LAMA4: variants seen among roughly 807,000 people sequenced by gnomAD.
The protein encoded by LAMA4 is laminin subunit alpha-4.
LAMA4 carries 127 observed loss-of-function variants against 207.1 expected under a neutral mutation model. That is an observed-to-expected ratio of 0.61 (90% CI 0.53 to 0.71). The LOEUF (loss-of-function observed/expected upper bound fraction) is 0.71. Among genes scored for constraint, LAMA4 ranks in the 30% least tolerant of loss-of-function variants. The pLI is 0.00. For synonymous variants in LAMA4, 761 were observed against 816.0 expected (o/e 0.93, Z 1.15); for missense variants, 2,093 against 2,246.5 (o/e 0.93, Z 1.38).
chr6:112,216,567 T>C, intron 2 of LAMA4, 98 bp from the exon 3 acceptor site: 1 of 785,872 alleles, frequency 1.3e-6, no homozygotes, highest in South Asian at 1.4e-5. Flanking sequence ...TTAAACAATC[T>C]AAACATTTCT....
At chr6:112,115,463 G>C (rs1347731229) in intron 36 of LAMA4, among the ~76,000 whole-genome samples, 1 of 151,804 alleles carries the variant, frequency 6.6e-6, no homozygotes, top group South Asian at 2.1e-4. Flanking sequence ...AATATGTATA[G>C]TATATATACA....
Position 112,128,939 on chromosome 6 carries a change from C to T in LAMA4, c.4270G>A (p.Ala1424Thr), listed in dbSNP as rs1554328548. Residue 1424 changes from alanine to threonine, a missense_variant, in exon 31 of 39, where the codon GCA becomes ACA. By Grantham distance (58) the Ala-to-Thr change is moderately conservative (BLOSUM62 0). Around this residue, in one of 3 missense-constraint regions of LAMA4, gnomAD observed 1,704 missense variants for 1,788.4 expected, o/e 0.95. Transcript: ENST00000230538. ...KKGKNLSKPK[A>T]SQNKKGGKSK... is the part of the protein sequence containing the mutation. ...TCTTTTACCTTTTTATTCTGACTTG[C>T]TTTAGGCTTGGATAAATTTTTTCCT... 1 of 1,613,066 alleles carries T rather than the reference C, an allele frequency of 6.2e-7. No individual in the cohort carries two copies. The highest frequency in any genetic ancestry group is 1.1e-5 in the South Asian group (1 of 91,052).
At chr6:112,223,288 C>T (rs1171909347) in intron 2 of LAMA4, among the ~76,000 whole-genome samples, 3 of 152,092 alleles carry the variant, frequency 2.0e-5, no homozygotes, top group Non-Finnish European at 4.4e-5. Context: ...CAAGGGTTAG[C>T]AATAAGAATG....
At chr6:112,169,584 T>C (rs1781595146) in intron 12 of LAMA4, among the ~76,000 whole-genome samples, 1 of 152,176 alleles carries the variant, frequency 6.6e-6, no homozygotes. Context: ...TAATGCCAGA[T>C]CCAAAGATCA....
intron 2 of LAMA4, chr6:112,216,695 T>C (rs970399635): frequency 3.4e-5 from 18 of 532,720 alleles, no homozygotes; most frequent in Non-Finnish European, 5.8e-5. Flanking sequence ...TTCCCTCCTT[T>C]CACTTTTCAG....
chr6:112,121,237 T>G (rs1212625178), intron 32 of LAMA4, among the ~76,000 whole-genome samples: 2 of 152,178 alleles, frequency 1.3e-5, no homozygotes, highest in African/African-American at 2.4e-5. Flanking sequence ...GGATACCACA[T>G]GTAAAAAGCA....
At position 112,229,367 on chromosome 6, in the gene LAMA4, T is replaced by C. The variant is rs188828811; in HGVS notation, c.196-12898A>G. ...CCTCCTCAGCCTTCTTCAGGCAAAG[T>C]CTCTGAAAACAGCCAAAACCATACC... On this transcript the variant is annotated intron_variant, in intron 2 of 38. Transcript: ENST00000230538. 1.4e-4 allele frequency among the ~76,000 whole-genome samples: 21 copies of C among 152,258 alleles called. No homozygotes were observed. In the East Asian group the frequency reaches 3.9e-3, roughly 28 times the overall value.
intron 9 of LAMA4, among the ~76,000 whole-genome samples, chr6:112,183,825 C>T (rs782332144): frequency 6.6e-6 from 1 of 151,612 alleles, no homozygotes; most frequent in Non-Finnish European, 1.5e-5. Flanking sequence ...GTGGTGTGTG[C>T]CTGTAATCCC....
At chr6:112,187,342 T>TAATACAGG in intron 8 of LAMA4, 108 bp downstream of exon 8, 1 of 1,259,262 alleles carries the variant, frequency 7.9e-7, no homozygotes, top group South Asian at 1.2e-5. Flanking sequence ...TAACAACCTG[T>TAATACAGG]AATACAGGTA....
At chr6:112,202,462 G>A (rs1296736651) in intron 4 of LAMA4, among the ~76,000 whole-genome samples, 1 of 151,788 alleles carries the variant, frequency 6.6e-6, no homozygotes, top group East Asian at 1.9e-4. Context: ...GTGTGTGTGT[G>A]TGTATGTAAA....
intron 14 of LAMA4, among the ~76,000 whole-genome samples, chr6:112,157,312 T>A (rs570679819): frequency 7.4e-6 from 1 of 135,838 alleles, no homozygotes; most frequent in East Asian, 2.3e-4. Flanking sequence ...CTTTATTACT[T>A]TGCTTTTAAT....
chr6:112,184,660 C>T (rs1387723373), intron 9 of LAMA4, among the ~76,000 whole-genome samples: 2 of 151,892 alleles, frequency 1.3e-5, no homozygotes, highest in South Asian at 2.1e-4. Flanking sequence ...TTCTGTTATT[C>T]CCTTTGAAGA....
At chr6:112,184,298 T>TTCA in intron 9 of LAMA4, among the ~76,000 whole-genome samples, 1 of 150,532 alleles carries the variant, frequency 6.6e-6, no homozygotes, top group Non-Finnish European at 1.5e-5. Context: ...TGAAGTACTC[T>TTCA]GGCCAGTACT....
chr6:112,224,955 T>A (rs1267412712), intron 2 of LAMA4, among the ~76,000 whole-genome samples: 1 of 151,486 alleles, frequency 6.6e-6, no homozygotes, highest in African/African-American at 2.4e-5. Flanking sequence ...TTTTTTTAAT[T>A]TAATTTTTTT....
intron 33 of LAMA4, 78 bp downstream of exon 33, chr6:112,120,205 G>A (rs1259198390): frequency 8.8e-7 from 1 of 1,132,502 alleles, no homozygotes; most frequent in African/African-American, 1.6e-5. Context: ...TTTCTAGAGA[G>A]AGTAATGGAG....
intron 5 of LAMA4, chr6:112,200,136 G>GTCA: frequency 1.9e-6 from 1 of 533,298 alleles, no homozygotes; most frequent in Non-Finnish European, 3.8e-6. Flanking sequence ...ATCTTACCGA[G>GTCA]TCATTCAGTG....
intron 5 of LAMA4, among the ~76,000 whole-genome samples, chr6:112,195,412 A>G (rs1554350164): frequency 6.6e-6 from 1 of 152,222 alleles, no homozygotes; most frequent in African/African-American, 2.4e-5. Flanking sequence ...TGCAAACAAC[A>G]GGGTCTACGT....
At chr6:112,156,256 G>C (rs3798359) in intron 14 of LAMA4, among the ~76,000 whole-genome samples, 46,684 of 151,748 alleles carry the variant, frequency 0.31, 7,637 homozygotes, top group African/African-American at 0.42. Context: ...CCTTTCACAC[G>C]ATAGTCTCTG....
chr6:112,157,894 C>A (rs1371548834), intron 14 of LAMA4: 1 of 152,180 alleles, frequency 6.6e-6, no homozygotes, highest in South Asian at 2.1e-4. Context: ...TGACCTCTCT[C>A]TTTCTTTTCT....
Sources: gnomAD v4.1 joint callset for allele counts (sites outside exome capture counted in the v4.1 genomes callset) on GRCh38, gnomAD v4.1.1 for gene constraint, gnomAD v4.1.1 regional missense constraint, MANE v1.5 for transcripts, NCBI Gene and HGNC (gene_info 2026-07-23, HGNC 2026-07-21) for gene names.